Variants in USP9X observed in about 807,000 individuals in gnomAD.
The protein encoded by USP9X is ubiquitin carboxyl-terminal hydrolase 9X.
USP9X carries 7 observed loss-of-function variants against 190.3 expected under a neutral mutation model. The ratio of observed to expected loss-of-function variants is 0.04; its 90% confidence interval spans 0.02 to 0.07. The LOEUF (loss-of-function observed/expected upper bound fraction) is 0.07, where lower values mean the gene tolerates loss of function less well. USP9X is among the 10% of genes least tolerant of loss of function. USP9X has a pLI of 1.00. For synonymous variants in USP9X, 645 were observed against 659.5 expected (o/e 0.98, Z 0.34); for missense variants, 1,010 against 1,916.9 (o/e 0.53, Z 8.83).
At position 41,186,138 on chromosome X, in the gene USP9X, TGTG is replaced by T. The variant is rs1193885569; in HGVS notation, c.3559-376_3559-374del. ...TTTCTTTTTTTTTTCCAAAGAAAAA[TGTG>T]GTAACAATGGGGAATACAAGCAGGG... On this transcript the variant is annotated intron_variant, in intron 23 of 44. Transcript: ENST00000378308. Among the ~76,000 whole-genome samples, 3 of 110,701 alleles carry T rather than the reference TGTG, an allele frequency of 2.7e-5. No homozygotes were observed. The East Asian group carries it at 8.4e-4, about 31-fold the overall frequency.
At chrX:41,186,286 C>T (rs192067786) in intron 23 of USP9X, among the ~76,000 whole-genome samples, 3 of 111,318 alleles carry the variant, frequency 2.7e-5, no homozygotes, top group Middle Eastern at 4.7e-3. Context: ...TTTAGAGACA[C>T]GAGTTGATTG....
intron 12 of USP9X, among the ~76,000 whole-genome samples, chrX:41,149,591 A>G (rs1242331115): frequency 9.0e-6 from 1 of 110,688 alleles, no homozygotes; most frequent in Non-Finnish European, 1.9e-5. Context: ...ATTAAACCCA[A>G]CAATTCTACT....
intron 38 of USP9X, among the ~76,000 whole-genome samples, chrX:41,220,358 C>T (rs1396417950): frequency 1.8e-5 from 2 of 112,007 alleles, no homozygotes. Context: ...ATAATGTAAC[C>T]TACTTGTAAA....
chrX:41,096,785 C>A (rs1235590874), intron 1 of USP9X, among the ~76,000 whole-genome samples: 1 of 111,935 alleles, frequency 8.9e-6, no homozygotes, highest in Non-Finnish European at 1.9e-5. Context: ...TGTGTTAAAT[C>A]ACTTAGCTAA....
At chrX:41,153,655 C>T (rs1376767591) in intron 14 of USP9X, among the ~76,000 whole-genome samples, 1 of 111,805 alleles carries the variant, frequency 8.9e-6, no homozygotes, top group African/African-American at 3.3e-5. Flanking sequence ...TGTGTGGAGC[C>T]CTGTGTCAGT....
At chrX:41,100,352 C>T (rs1317593381) in intron 1 of USP9X, among the ~76,000 whole-genome samples, 17 of 111,924 alleles carry the variant, frequency 1.5e-4, no homozygotes. Context: ...AACCAAGGCA[C>T]AGAGGTTGAA....
At chrX:41,186,986 C>A (rs2062884839) in intron 24 of USP9X, among the ~76,000 whole-genome samples, 1 of 108,817 alleles carries the variant, frequency 9.2e-6, no homozygotes, top group African/African-American at 3.4e-5. Flanking sequence ...CACCCACCCC[C>A]CCATGCCCGG....
chrX:41,109,396 TTACTC>T (rs1458767924), intron 1 of USP9X, among the ~76,000 whole-genome samples: 2 of 112,051 alleles, frequency 1.8e-5, no homozygotes, highest in Non-Finnish European at 3.8e-5. Flanking sequence ...AAAAGCTTCA[TTACTC>T]TAATTGTGTA....
intron 14 of USP9X, among the ~76,000 whole-genome samples, chrX:41,159,323 GGA>G (rs2062606995): frequency 9.0e-6 from 1 of 111,250 alleles, no homozygotes; most frequent in Non-Finnish European, 1.9e-5. Flanking sequence ...TGGAGAAATT[GGA>G]GCATTCATAT....
chrX:41,183,238 C>T (rs1305841341), intron 21 of USP9X, among the ~76,000 whole-genome samples: 1 of 106,986 alleles, frequency 9.3e-6, no homozygotes, highest in Non-Finnish European at 1.9e-5. Context: ...TGCGCCCAGA[C>T]CTATTTTTCT....
At chrX:41,169,833 A>G (rs1056654900) in intron 18 of USP9X, among the ~76,000 whole-genome samples, 162 bp from the exon 19 acceptor site, 6 of 112,132 alleles carry the variant, frequency 5.4e-5, no homozygotes, top group Non-Finnish European at 1.9e-5. Flanking sequence ...GGTCCCAGAC[A>G]TTTCATATAA....
At chrX:41,210,190 G>A (rs1040436662) in intron 32 of USP9X, among the ~76,000 whole-genome samples, 4 of 111,899 alleles carry the variant, frequency 3.6e-5, no homozygotes, top group Non-Finnish European at 7.5e-5. Flanking sequence ...GATTCAAAAT[G>A]CATGCATGTG....
intron 12 of USP9X, among the ~76,000 whole-genome samples, chrX:41,149,538 A>G (rs990880605): frequency 2.7e-5 from 3 of 109,542 alleles, no homozygotes; most frequent in African/African-American, 1.0e-4. Context: ...CAAAGTGTAC[A>G]TTTGATCATA....
rs1569147051 is a variant in USP9X, at chrX:41,099,099, T to TTTTTTTTTTTTTG, written c.-159+13002_-159+13003insGTTTTTTTTTTTT. 8.9e-4 allele frequency among the ~76,000 whole-genome samples: 40 copies of TTTTTTTTTTTTTG among 44,972 alleles called. 1 individual carries two copies. Among genetic ancestry groups the TTTTTTTTTTTTTG allele is most frequent in the African/African-American group, 3.1e-3 (39 of 12,751 alleles). 39.1% of individuals were successfully genotyped at this position (44,972 alleles called of 115,157 possible). A position where few individuals can be genotyped will look rare whatever the true frequency, so the allele number is the denominator to read the frequency against. ...ATGCCATAATGCCCAGATAATTGTTTTTTTTTTTTTTTTTTTTTTTTTTAA... is the reference window on the plus strand; with the variant it reads ...ATGCCATAATGCCCAGATAATTGTTTTTTTTTTTTTTTGTTTTTTTTTTTTTTTTTTTTTTTAA... On this transcript the variant is annotated intron_variant, in intron 1 of 44. Coordinates refer to ENST00000378308, the MANE Select transcript of USP9X (RefSeq NM_001039591.3).
intron 1 of USP9X, among the ~76,000 whole-genome samples, chrX:41,108,902 G>GA: frequency 1.8e-5 from 2 of 111,279 alleles, no homozygotes; most frequent in South Asian, 7.5e-4. Context: ...GGCCTAGCTG[G>GA]AAAAAAGAGC....
At chrX:41,160,402 A>G (rs2062619501) in intron 14 of USP9X, among the ~76,000 whole-genome samples, 1 of 109,975 alleles carries the variant, frequency 9.1e-6, no homozygotes, top group African/African-American at 3.3e-5. Flanking sequence ...ATTTAGCATA[A>G]AGGCATCTTA....
At chrX:41,114,478 T>TC (rs768274046) in intron 1 of USP9X, among the ~76,000 whole-genome samples, 3 of 108,338 alleles carry the variant, frequency 2.8e-5, no homozygotes, top group Admixed American at 9.9e-5. Context: ...TCCTTTTTTT[T>TC]CCCTTTTCTT....
At chrX:41,175,895 AT>A (rs142613528) in intron 21 of USP9X, among the ~76,000 whole-genome samples, 133 of 101,687 alleles carry the variant, frequency 1.3e-3, no homozygotes, top group African/African-American at 2.1e-3. Flanking sequence ...TATATTTGTA[AT>A]TTTTTTTTTT....
Position 41,144,729 on chromosome X carries a change from C to T in USP9X, c.1419+103C>T. 9.3e-6 allele frequency: 6 copies of T among 648,205 alleles called. No individual in the cohort carries two copies. In the Admixed American group the frequency reaches 1.8e-4, roughly 20 times the overall value. The allele number at this position is 648,205 out of a possible 1,213,427, so 53.4% of individuals were successfully genotyped here. A position where few individuals can be genotyped will look rare whatever the true frequency, so the allele number is the denominator to read the frequency against. On this transcript the variant is annotated intron_variant, in intron 11 of 44. Transcript: ENST00000378308. ...CCAATAAATACTTAAATAGAAATCCCATTAAACAGTCTGTGGTGTGAAGGA... is the reference window on the plus strand; with the variant it reads ...CCAATAAATACTTAAATAGAAATCCTATTAAACAGTCTGTGGTGTGAAGGA...
Sources: gnomAD v4.1 joint callset for allele counts (sites outside exome capture counted in the v4.1 genomes callset) on GRCh38, gnomAD v4.1.1 for gene constraint, MANE v1.5 for transcripts, NCBI Gene and HGNC (gene_info 2026-07-23, HGNC 2026-07-21) for gene names.